PIN4: variants seen among roughly 807,000 people sequenced by gnomAD.
PIN4 encodes the protein peptidylprolyl cis/trans isomerase, NIMA-interacting 4.
PIN4 carries 3 observed loss-of-function variants against 8.3 expected under a neutral mutation model. The ratio of observed to expected loss-of-function variants is 0.36; its 90% CI spans 0.16 to 0.93. PIN4 has a LOEUF of 0.93. PIN4 is among the 40% of genes least tolerant of loss of function. PIN4 has a pLI of 0.44. For missense variants in PIN4, 75 were observed against 100.6 expected, an observed-to-expected ratio of 0.75 and a Z score of 1.09; for synonymous variants, 18 against 32.5, an observed-to-expected ratio of 0.55 and a Z score of 1.52.
chrX:72,188,550 G>T (rs2042715602), intron 2 of PIN4, among the ~76,000 whole-genome samples: 1 of 111,742 alleles, frequency 8.9e-6, no homozygotes, highest in African/African-American at 3.3e-5. Flanking sequence ...GTAGAGATGA[G>T]GTTTCACCAT....
chrX:72,182,522 C>G (rs2042679140), intron 1 of PIN4, among the ~76,000 whole-genome samples: 1 of 107,816 alleles, frequency 9.3e-6, no homozygotes, highest in African/African-American at 3.4e-5. Context: ...CCAGCCTGGG[C>G]GACAGAGCGA....
intron 3 of PIN4, among the ~76,000 whole-genome samples, chrX:72,255,052 C>T (rs1203934749): frequency 9.4e-6 from 1 of 106,589 alleles, no homozygotes; most frequent in African/African-American, 3.4e-5. Context: ...GGGCGGGGGT[C>T]CGGGGAGGTG....
chrX:72,185,017 G>A (rs922025265), intron 1 of PIN4, among the ~76,000 whole-genome samples: 6 of 108,468 alleles, frequency 5.5e-5, no homozygotes, highest in Non-Finnish European at 9.6e-5. Flanking sequence ...GGTGGCAGGC[G>A]CCTGTAGTCC....
At chrX:72,255,273 A>AAAAAAT (rs2043105464) in intron 3 of PIN4, among the ~76,000 whole-genome samples, 3 of 96,399 alleles carry the variant, frequency 3.1e-5, no homozygotes, top group African/African-American at 1.2e-4. Context: ...CCATCTCTAA[A>AAAAAAT]AATAATAATA....
chrX:72,226,041 A>G (rs1307135704), intron 3 of PIN4, among the ~76,000 whole-genome samples: 1 of 111,618 alleles, frequency 9.0e-6, no homozygotes, highest in Non-Finnish European at 1.9e-5. Context: ...ACTCAGCCAT[A>G]AGGCGCTAAG....
chrX:72,260,027 C>G (rs976606175), intron 3 of PIN4, among the ~76,000 whole-genome samples: 3 of 110,211 alleles, frequency 2.7e-5, no homozygotes, highest in Non-Finnish European at 3.8e-5. Context: ...GCAGAAGCCA[C>G]CGCGCCTGGC....
intron 1 of PIN4, 117 bp from the exon 2 acceptor site, chrX:72,186,344 G>A (rs1346021853): frequency 7.2e-6 from 4 of 554,392 alleles, no homozygotes; most frequent in South Asian, 4.9e-5. Context: ...GTGTCTGGCC[G>A]AGTTCCCTTT....
At chrX:72,225,794 A>G (rs2042950323) in intron 3 of PIN4, among the ~76,000 whole-genome samples, 1 of 110,700 alleles carries the variant, frequency 9.0e-6, no homozygotes, top group Admixed American at 9.6e-5. Context: ...ACCCCCTGAG[A>G]TCCTTTCGTC....
chrX:72,209,096 C>A (rs2042837703), intron 3 of PIN4, among the ~76,000 whole-genome samples: 1 of 110,974 alleles, frequency 9.0e-6, no homozygotes, highest in Non-Finnish European at 1.9e-5. Context: ...ATTGATCACT[C>A]CCCTCCCCTC....
rs139547199 is a variant in PIN4, at chrX:72,205,292, A to G, written c.312+8388A>G. The stretch of plus-strand genomic sequence containing the variant: ...GCACTAGGCTTAGACGTCATTAACC[A>G]GCTGGACTTGTTTTCTGAAGACAGT... On this transcript the variant is annotated intron_variant, in intron 3 of 3. Transcript: ENST00000423432. 5 of 1,210,539 alleles carry G rather than the reference A, an allele frequency of 4.1e-6. No homozygotes were observed. The African/African-American group carries it at 8.7e-5, about 21-fold the overall frequency.
At chrX:72,231,752 C>T (rs538247093) in intron 3 of PIN4, among the ~76,000 whole-genome samples, 1 of 111,055 alleles carries the variant, frequency 9.0e-6, no homozygotes, top group Admixed American at 9.7e-5. Flanking sequence ...CAGAGTTTCG[C>T]CATGTTGGTC....
rs756755051 is a variant in PIN4, at chrX:72,251,610, T to C, written c.313-11097T>C. Among the ~76,000 whole-genome samples, 3 of 111,666 alleles carry C rather than the reference T, an allele frequency of 2.7e-5. No homozygotes were observed. In the South Asian group the frequency reaches 1.1e-3, roughly 42 times the overall value. On this transcript the variant is annotated intron_variant, in intron 3 of 3. Coordinates refer to the PIN4 transcript ENST00000423432. ...TATTAAAAAGTGGTACCTTGTAGTT[T>C]TATTTTGCATTTTCCCTGAGAGTAA...
chrX:72,212,590 T>C, intron 3 of PIN4, among the ~76,000 whole-genome samples: 1 of 111,985 alleles, frequency 8.9e-6, no homozygotes, highest in Non-Finnish European at 1.9e-5. Context: ...AGACACACAC[T>C]TGATTTTCCT....
chrX:72,261,931 C>T (rs1387703001), intron 3 of PIN4, among the ~76,000 whole-genome samples: 2 of 110,384 alleles, frequency 1.8e-5, no homozygotes, highest in Non-Finnish European at 3.8e-5. Flanking sequence ...GCCATCTCTC[C>T]CTGGAAAGTC....
chrX:72,256,118 A>G (rs2043109781), intron 3 of PIN4: 1 of 111,743 alleles, frequency 8.9e-6, no homozygotes. Context: ...CACCTACTAT[A>G]TGTCAGGTAT....
intron 2 of PIN4, among the ~76,000 whole-genome samples, chrX:72,188,810 G>A (rs533807802): frequency 8.9e-6 from 1 of 111,957 alleles, no homozygotes. Flanking sequence ...AGGGGCATGA[G>A]CCACCACACC....
intron 3 of PIN4, chrX:72,237,851 G>T (rs1024474746): frequency 8.9e-6 from 1 of 111,974 alleles, no homozygotes; most frequent in African/African-American, 3.2e-5. Context: ...AGCTACTAGG[G>T]AGGCTGGGGC....
chrX:72,211,844 A>G (rs1354045613), intron 3 of PIN4, among the ~76,000 whole-genome samples: 1 of 111,958 alleles, frequency 8.9e-6, no homozygotes, highest in Non-Finnish European at 1.9e-5. Flanking sequence ...TGATACAACA[A>G]TTAAACTTGG....
intron 3 of PIN4, among the ~76,000 whole-genome samples, chrX:72,251,129 G>T (rs1203120976): frequency 9.5e-6 from 1 of 104,960 alleles, no homozygotes; most frequent in African/African-American, 3.5e-5. Flanking sequence ...AGGCAGAGGC[G>T]GGCGGATCAC....
Sources: gnomAD v4.1 joint callset for allele counts (sites outside exome capture counted in the v4.1 genomes callset) on GRCh38, gnomAD v4.1.1 for gene constraint, MANE v1.5 for transcripts, NCBI Gene and HGNC (gene_info 2026-07-23, HGNC 2026-07-21) for gene names.